Variants in PRKCE observed in about 807,000 individuals in gnomAD.
PRKCE encodes protein kinase C epsilon type.
Under a neutral mutation model 85.4 loss-of-function variants are expected in PRKCE, and 16 were observed. The observed-to-expected ratio is 0.19, with a 90% CI of 0.13 to 0.28. The LOEUF (loss-of-function observed/expected upper bound fraction) is 0.28. Among genes scored for constraint, PRKCE ranks in the 10% least tolerant of loss-of-function variants. PRKCE has a pLI of 1.00. For missense variants in PRKCE, 573 were observed against 975.2 expected (o/e 0.59, Z 5.49); for synonymous variants, 388 against 371.5 (o/e 1.04, Z -0.51).
intron 2 of PRKCE, among the ~76,000 whole-genome samples, chr2:45,850,369 A>G (rs1282164487): frequency 1.3e-5 from 2 of 152,236 alleles, no homozygotes; most frequent in Non-Finnish European, 2.9e-5. Context: ...CTCTAGTTCT[A>G]TCTCCGTTGT....
At chr2:45,983,307 ATCAG>A (rs1703041131) in intron 5 of PRKCE, among the ~76,000 whole-genome samples, 1 of 152,088 alleles carries the variant, frequency 6.6e-6, no homozygotes, top group African/African-American at 2.4e-5. Flanking sequence ...CCTGTTACTT[ATCAG>A]TCAGCCAGGG....
At chr2:45,794,151 C>T (rs949293962) in intron 1 of PRKCE, among the ~76,000 whole-genome samples, 2 of 152,104 alleles carry the variant, frequency 1.3e-5, no homozygotes, top group East Asian at 1.9e-4. Flanking sequence ...CAGAACTCTT[C>T]CTCAGGAGTG....
At chr2:45,653,261 A>G (rs1675211230) in intron 1 of PRKCE, among the ~76,000 whole-genome samples, 1 of 152,032 alleles carries the variant, frequency 6.6e-6, no homozygotes, top group Non-Finnish European at 1.5e-5. Flanking sequence ...AAGGATTTGG[A>G]AAGAGGTCTT....
chr2:45,711,903 A>G (rs1327902127), intron 1 of PRKCE, among the ~76,000 whole-genome samples: 3 of 152,198 alleles, frequency 2.0e-5, no homozygotes, highest in Non-Finnish European at 4.4e-5. Flanking sequence ...GATTACAGGC[A>G]TGAGCCAACA....
At chr2:46,102,451 CAG>C (rs979889678) in intron 11 of PRKCE, among the ~76,000 whole-genome samples, 4 of 152,122 alleles carry the variant, frequency 2.6e-5, no homozygotes, top group Non-Finnish European at 5.9e-5. Flanking sequence ...AAAGATAGAA[CAG>C]AGAGTTGCCA....
At chr2:45,716,886 G>C (rs1489090353) in intron 1 of PRKCE, among the ~76,000 whole-genome samples, 1 of 152,194 alleles carries the variant, frequency 6.6e-6, no homozygotes, top group African/African-American at 2.4e-5. Context: ...GCAGAAAGGA[G>C]AAGAATGAGA....
At chr2:45,935,067 T>TCACACACACACACACACA (rs1553453521) in intron 2 of PRKCE, among the ~76,000 whole-genome samples, 14 of 146,248 alleles carry the variant, frequency 9.6e-5, no homozygotes, top group African/African-American at 3.6e-4. Context: ...ACTCTCTCTC[T>TCACACACACACACACACA]CACACACACA....
At chr2:45,988,685 T>G (rs1422400370) in intron 6 of PRKCE, among the ~76,000 whole-genome samples, 1 of 152,224 alleles carries the variant, frequency 6.6e-6, no homozygotes, top group Admixed American at 6.5e-5. Context: ...CTCAAGTGCC[T>G]GCTGCGTCTG....
Position 46,138,331 on chromosome 2 carries a change from T to C in PRKCE, c.1593-6762T>C, listed in dbSNP as rs766407081. ...TTTCCAACTCATACGTCTGTCATTT[T>C]ATCTAATAGGTGGTCACGGGCAGTT... On this transcript the variant is annotated intron_variant, in intron 11 of 14. Transcript: ENST00000306156. This position sits in a 1 kb window ranked among gnomAD's most constrained non-coding sequence, Gnocchi z 4.2. Among the ~76,000 whole-genome samples the C allele has an allele frequency of 3.9e-5, 6 of 152,244 alleles. No individual in the cohort carries two copies. Among genetic ancestry groups the C allele is most frequent in the Non-Finnish European group, 8.8e-5 (6 of 68,042 alleles).
At chr2:45,762,227 C>T (rs1266857413) in intron 1 of PRKCE, among the ~76,000 whole-genome samples, 2 of 152,218 alleles carry the variant, frequency 1.3e-5, no homozygotes, top group African/African-American at 4.8e-5. Flanking sequence ...ACTCTTGCTG[C>T]CTTTGGCCAC....
chr2:45,866,109 C>A (rs1053978146), intron 2 of PRKCE, among the ~76,000 whole-genome samples: 1 of 152,034 alleles, frequency 6.6e-6, no homozygotes, highest in African/African-American at 2.4e-5. Flanking sequence ...CATGAGCCAC[C>A]GTGCCCAGCA....
At chr2:45,725,974 G>A (rs1451772950) in intron 1 of PRKCE, among the ~76,000 whole-genome samples, 1 of 152,178 alleles carries the variant, frequency 6.6e-6, no homozygotes, top group Non-Finnish European at 1.5e-5. Flanking sequence ...CAGTACTTCA[G>A]CTGGGAAAGT....
rs560978325 is a variant in PRKCE, at chr2:45,652,172, G to T, written c.72G>T (p.Ser24=). Reference sequence around the variant, plus strand: ...TGAGCTTGAAGCCCACAGCCTGGTCGCTGCGCCATGCGGTGGGACCCCGGC... The same window carrying T: ...TGAGCTTGAAGCCCACAGCCTGGTCTCTGCGCCATGCGGTGGGACCCCGGC... ...EAVSLKPTAW[S]LRHAVGPRPQ... The change falls in exon 1 of 15, where the codon TCG becomes TCT. Residue 24 remains serine (S), a synonymous_variant. Coordinates refer to ENST00000306156, the MANE Select transcript of PRKCE (RefSeq NM_005400.3). This position sits in a 1 kb window ranked among gnomAD's most constrained non-coding sequence, Gnocchi z 7.7. 6.2e-7 allele frequency: 1 copy of T among 1,612,614 alleles called. No homozygotes were observed. Among genetic ancestry groups the T allele is most frequent in the Admixed American group, 1.7e-5 (1 of 59,946 alleles).
chr2:45,849,950 G>A (rs1325315218), intron 2 of PRKCE, among the ~76,000 whole-genome samples: 1 of 152,192 alleles, frequency 6.6e-6, no homozygotes, highest in Admixed American at 6.5e-5. Flanking sequence ...CTGGAAAACA[G>A]TGAGCACCAA....
chr2:45,890,797 C>T lies in PRKCE; in HGVS notation c.412+47734C>T, dbSNP rs115623120. Among the ~76,000 whole-genome samples, 735 of 152,312 alleles carry T rather than the reference C, an allele frequency of 4.8e-3. 6 individuals are homozygous for T. The highest frequency in any genetic ancestry group is 0.017 in the African/African-American group (699 of 41,554). On this transcript the variant is annotated intron_variant, in intron 2 of 14. Coordinates refer to ENST00000306156, the MANE Select transcript of PRKCE (RefSeq NM_005400.3). ...TCTACAAGTATATGGAGTGCCTACC[C>T]TGCACAAGGCACTATGCTGGTTGAG...
In PRKCE at chr2:45,984,593, G is replaced by A. The variant is rs746022435; in HGVS notation, c.736G>A (p.Gly246Ser). The part of the protein sequence containing the change: ...RFSVNMPHKF[G>S]IHNYKVPTFC... ...CAGCGTCAACATGCCCCACAAGTTC[G>A]GTATCCACAACTACAAGGTCCCTAC... Residue 246 changes from glycine to serine, a missense_variant, in exon 6 of 15, where the codon GGT becomes AGT. This residue lies in a region of PRKCE where 55 missense variants were observed against 128.1 expected (regional missense o/e 0.43). Coordinates refer to ENST00000306156, the MANE Select transcript of PRKCE (RefSeq NM_005400.3). 37 of 1,599,776 alleles carry A rather than the reference G, an allele frequency of 2.3e-5. No individual in the cohort carries two copies. Among genetic ancestry groups the A allele is most frequent in the South Asian group, 2.3e-4 (21 of 91,074 alleles).
chr2:45,773,392 C>T (rs1451962848), intron 1 of PRKCE, among the ~76,000 whole-genome samples: 1 of 152,200 alleles, frequency 6.6e-6, no homozygotes, highest in East Asian at 1.9e-4. Context: ...GTGCTAAGCA[C>T]TTGACAGACA....
intron 1 of PRKCE, among the ~76,000 whole-genome samples, chr2:45,707,204 T>C (rs1206443794): frequency 6.6e-6 from 1 of 152,218 alleles, no homozygotes; most frequent in Non-Finnish European, 1.5e-5. Flanking sequence ...CTGGAGCATG[T>C]GTCCCAGAAC....
At chr2:45,773,808 G>A (rs997785120) in intron 1 of PRKCE, among the ~76,000 whole-genome samples, 5 of 152,162 alleles carry the variant, frequency 3.3e-5, no homozygotes, top group African/African-American at 1.2e-4. Context: ...GCCATCCAGA[G>A]TGGCCTGCTC....
Sources: allele counts gnomAD v4.1 joint callset (sites outside exome capture counted in the v4.1 genomes callset), GRCh38; gene constraint gnomAD v4.1.1; regional missense constraint gnomAD v4.1.1; non-coding constraint Gnocchi (gnomAD v3.1); transcripts MANE v1.5; gene names NCBI Gene and HGNC (gene_info 2026-07-23, HGNC 2026-07-21).